MGAT4A: variants seen among roughly 807,000 people sequenced by gnomAD.
MGAT4A encodes the protein N-acetylglucosaminyltransferase IVa.
Under a neutral mutation model 74.1 loss-of-function variants are expected in MGAT4A, and 33 were observed. That is an observed-to-expected ratio of 0.45 (90% CI 0.34 to 0.60). MGAT4A has a LOEUF of 0.60. Ranked by LOEUF, MGAT4A falls within the 20% of genes least tolerant of loss-of-function variation. The pLI is 0.02. For synonymous variants in MGAT4A, 198 were observed against 210.4 expected, an observed-to-expected ratio of 0.94 and a Z score of 0.51; for missense variants, 479 against 628.3, an observed-to-expected ratio of 0.76 and a Z score of 2.54.
At chr2:98,712,529 T>C (rs528195647) in intron 2 of MGAT4A, among the ~76,000 whole-genome samples, 1 of 152,248 alleles carries the variant, frequency 6.6e-6, no homozygotes, top group Non-Finnish European at 1.5e-5. Flanking sequence ...GTTACACAGG[T>C]GTGCCCCTTT....
intron 2 of MGAT4A, among the ~76,000 whole-genome samples, chr2:98,709,958 AC>A (rs1245703642): frequency 6.6e-6 from 1 of 152,236 alleles, no homozygotes; most frequent in Non-Finnish European, 1.5e-5. Flanking sequence ...GCTGGAGTTC[AC>A]CAACACAGAG....
At chr2:98,727,853 C>T (rs1020658397) in intron 1 of MGAT4A, among the ~76,000 whole-genome samples, 4 of 152,168 alleles carry the variant, frequency 2.6e-5, no homozygotes, top group Non-Finnish European at 4.4e-5. Flanking sequence ...GCCTGATCCA[C>T]CACATGGTTT....
chr2:98,637,489 G>A (rs924113199), intron 12 of MGAT4A, among the ~76,000 whole-genome samples: 1 of 152,034 alleles, frequency 6.6e-6, no homozygotes. Context: ...TCGATATATG[G>A]TGACAGATCT....
intron 9 of MGAT4A, 107 bp downstream of exon 9, chr2:98,645,321 A>G (rs1701468776): frequency 2.5e-6 from 2 of 799,078 alleles, no homozygotes; most frequent in Admixed American, 6.7e-5. Context: ...AAAACAACCC[A>G]TTTCCATAGG....
chr2:98,660,320 T>C (rs1266235583), intron 5 of MGAT4A, among the ~76,000 whole-genome samples: 1 of 151,778 alleles, frequency 6.6e-6, no homozygotes, highest in Non-Finnish European at 1.5e-5. Context: ...ACAGATTCAA[T>C]GTAATCCCTA....
intron 12 of MGAT4A, among the ~76,000 whole-genome samples, chr2:98,637,090 A>C (rs1170899815): frequency 6.6e-6 from 1 of 152,142 alleles, no homozygotes; most frequent in East Asian, 1.9e-4. Context: ...TAGGAGGATC[A>C]CTTGAGGTCA....
At chr2:98,698,961 C>T (rs1196278247) in intron 2 of MGAT4A, among the ~76,000 whole-genome samples, 1 of 152,110 alleles carries the variant, frequency 6.6e-6, no homozygotes, top group Non-Finnish European at 1.5e-5. Context: ...TTTTTCCCTC[C>T]TCAGCTATGA....
At position 98,715,836 on chromosome 2, in the gene MGAT4A, G is replaced by A. The variant is rs754681304; in HGVS notation, c.94+10403C>T. 6.3e-4 allele frequency among the ~76,000 whole-genome samples: 96 copies of A among 152,314 alleles called. 1 individual carries two copies. The highest frequency in any genetic ancestry group is 1.1e-3 in the Non-Finnish European group (78 of 68,034). On this transcript the variant is annotated intron_variant, in intron 2 of 15. Coordinates refer to ENST00000393487, the MANE Select transcript of MGAT4A (RefSeq NM_012214.3). ...GCAAAAATCATCAAAGGATGTTAAC[G>A]TTTGTAGGTAAAAGTATGATAAGAA...
At position 98,622,107 on chromosome 2, in the gene MGAT4A, T is replaced by C. The variant is rs74571554; in HGVS notation, c.*3459A>G. On this transcript the variant is annotated 3_prime_UTR_variant, in exon 16 of 16. Transcript: ENST00000393487. ...ACTTAAGAAATCTTACATCTTAGAA[T>C]CCTAGAAATGGGTCCTCAGCTTTCT... 3,606 of 985,414 alleles carry C rather than the reference T, an allele frequency of 3.7e-3. 15 individuals are homozygous for C. Among genetic ancestry groups the C allele is most frequent in the Middle Eastern group, 0.02 (38 of 1,914 alleles). The allele number at this position is 985,414 out of a possible 1,614,324, so 61.0% of individuals were successfully genotyped here. A position where few individuals can be genotyped will look rare whatever the true frequency, so the allele number is the denominator to read the frequency against.
At chr2:98,644,621 T>G (rs1230414440) in intron 9 of MGAT4A, among the ~76,000 whole-genome samples, 1 of 152,024 alleles carries the variant, frequency 6.6e-6, no homozygotes, top group East Asian at 1.9e-4. Context: ...CTTCAATTCT[T>G]CAACTTTAAA....
chr2:98,731,099 CGCCGCCGCCGCT>C lies in MGAT4A; in HGVS notation c.-299_-288del, dbSNP rs559389584. The C allele has an allele frequency of 0.3, 41,233 of 137,938 alleles. 7,890 individuals are homozygous for C. The highest frequency in any genetic ancestry group is 0.53 in the African/African-American group (19,867 of 37,236). 8.5% of individuals were successfully genotyped at this position (137,938 alleles called of 1,614,324 possible). ...CGGCTGCCGGCGGAGCTGCTGTAGC[CGCCGCCGCCGCT>C]GCCGCCGCCGCTGCGGGCCGCCCCG... On this transcript the variant is annotated 5_prime_UTR_variant, in exon 1 of 16. Coordinates refer to ENST00000393487, the MANE Select transcript of MGAT4A (RefSeq NM_012214.3). This position sits in a 1 kb window ranked among gnomAD's most constrained non-coding sequence, Gnocchi z 4.8.
chr2:98,625,669 A>T, intron 15 of MGAT4A, 54 bp downstream of exon 15: 1 of 1,565,534 alleles, frequency 6.4e-7, no homozygotes. Context: ...ACAAAATAAA[A>T]ACATAATAAA....
chr2:98,630,409 T>C (rs1459981296), intron 14 of MGAT4A, among the ~76,000 whole-genome samples: 1 of 152,150 alleles, frequency 6.6e-6, no homozygotes, highest in Non-Finnish European at 1.5e-5. Context: ...ATATATTCCA[T>C]ACATAGTAAA....
In MGAT4A at chr2:98,658,276, A is replaced by T. The variant is rs778705285; in HGVS notation, c.538-12T>A. 1 of 1,519,466 alleles carries T rather than the reference A, an allele frequency of 6.6e-7. No homozygotes were observed. The highest frequency in any genetic ancestry group is 8.9e-7 in the Non-Finnish European group (1 of 1,118,550). The allele number at this position is 1,519,466 out of a possible 1,614,324, so 94.1% of individuals were successfully genotyped here. A position where few individuals can be genotyped will look rare whatever the true frequency, so the allele number is the denominator to read the frequency against. ...TAATCAATATCTGTCTGGGAAAGAA[A>T]AAAAATGTATCTATATTCAAGTTTT... On this transcript the variant is annotated splice_polypyrimidine_tract_variant and intron_variant, in intron 5 of 15. Transcript: ENST00000393487.
At position 98,622,457 on chromosome 2, in the gene MGAT4A, C is replaced by G; in HGVS notation, c.*3109G>C. The G allele has an allele frequency of 1.0e-6, 1 of 985,408 alleles. No homozygotes were observed. Among genetic ancestry groups the G allele is most frequent in the Non-Finnish European group, 1.2e-6 (1 of 829,932 alleles). 61.0% of individuals were successfully genotyped at this position (985,408 alleles called of 1,614,324 possible). A position where few individuals can be genotyped will look rare whatever the true frequency, so the allele number is the denominator to read the frequency against. ...ATGTGTTTTTAAAACTAGTCCCAAC[C>G]TTTGACACTTTTTCCATTTACTATT... On this transcript the variant is annotated 3_prime_UTR_variant, in exon 16 of 16. Transcript: ENST00000393487.
At chr2:98,696,244 T>C (rs1702273786) in intron 2 of MGAT4A, among the ~76,000 whole-genome samples, 1 of 152,242 alleles carries the variant, frequency 6.6e-6, no homozygotes, top group South Asian at 2.1e-4. Flanking sequence ...TAAGGAACTT[T>C]TCTATGCTCT....
chr2:98,626,359 A>G (rs1206081169), intron 14 of MGAT4A, among the ~76,000 whole-genome samples: 4 of 152,114 alleles, frequency 2.6e-5, no homozygotes, highest in African/African-American at 9.7e-5. Context: ...TCAATATAAA[A>G]CTCCACTATA....
At chr2:98,641,903 G>T (rs892175250) in intron 10 of MGAT4A, among the ~76,000 whole-genome samples, 3 of 151,702 alleles carry the variant, frequency 2.0e-5, no homozygotes, top group Admixed American at 6.6e-5. Flanking sequence ...TGAGAGGCAG[G>T]AGAATCGCTT....
intron 3 of MGAT4A, among the ~76,000 whole-genome samples, chr2:98,676,955 CAGG>C (rs1308124348): frequency 6.6e-6 from 1 of 152,140 alleles, no homozygotes; most frequent in South Asian, 2.1e-4. Context: ...AGTTTATCAG[CAGG>C]AGGAGAAGGA....
Sources: gnomAD v4.1 joint callset for allele counts (sites outside exome capture counted in the v4.1 genomes callset) on GRCh38, gnomAD v4.1.1 for gene constraint, Gnocchi (gnomAD v3.1) non-coding constraint, MANE v1.5 for transcripts, NCBI Gene and HGNC (gene_info 2026-07-23, HGNC 2026-07-21) for gene names.